PTTG1IP2: variants seen among roughly 807,000 people sequenced by gnomAD.
PTTG1IP2 encodes PTTG1IP family member 2.
At chr7:90,512,878 G>A (rs1798206285) in intron 6 of PTTG1IP2, among the ~76,000 whole-genome samples, 2 of 152,212 alleles carry the variant, frequency 1.3e-5, no homozygotes, top group South Asian at 4.1e-4. Flanking sequence ...AACTGATGTG[G>A]TGACCTTTTG....
At chr7:90,486,365 G>A (rs1364929017) in intron 2 of PTTG1IP2, among the ~76,000 whole-genome samples, 1 of 118,156 alleles carries the variant, frequency 8.5e-6, no homozygotes, top group South Asian at 2.8e-4. Context: ...GTTGTCATGA[G>A]TATGAAGTGA....
intron 6 of PTTG1IP2, among the ~76,000 whole-genome samples, chr7:90,507,552 C>A (rs1159466848): frequency 1.3e-5 from 2 of 152,060 alleles, no homozygotes; most frequent in African/African-American, 2.4e-5. Flanking sequence ...AATGGTGATT[C>A]TTGGGCTCTC....
chr7:90,507,119 A>G (rs1339663190), intron 6 of PTTG1IP2, among the ~76,000 whole-genome samples: 1 of 152,188 alleles, frequency 6.6e-6, no homozygotes, highest in African/African-American at 2.4e-5. Flanking sequence ...GTTTTTTGCG[A>G]AGTTAGTTAT....
chr7:90,508,263 C>CAAAA (rs5885728), intron 6 of PTTG1IP2, among the ~76,000 whole-genome samples: 3 of 76,924 alleles, frequency 3.9e-5, no homozygotes, highest in Admixed American at 1.4e-4. Context: ...GAACTCGTCT[C>CAAAA]AAAAAAAAAA....
intron 6 of PTTG1IP2, among the ~76,000 whole-genome samples, chr7:90,495,177 T>C (rs573935948): frequency 1.3e-5 from 2 of 152,332 alleles, no homozygotes; most frequent in East Asian, 3.9e-4. Context: ...TTTGTTAATA[T>C]TACCTAAAAA....
Position 90,469,859 on chromosome 7 carries a change from A to C in PTTG1IP2, c.73A>C (p.Ile25Leu), listed in dbSNP as rs1189172496. ...CTCCCTCTTTCTCATCCAATTGCTTATCAGCTTCTCAGAGAATGGTTTTAT... is the reference window on the plus strand; with the variant it reads ...CTCCCTCTTTCTCATCCAATTGCTTCTCAGCTTCTCAGAGAATGGTTTTAT... ...FLSLFLIQLL[I>L]SFSENGFIHS... Residue 25 changes from isoleucine (I) to leucine (L), a missense_variant, in exon 1 of 7, where the codon ATC becomes CTC. Physicochemically the swap from Ile to Leu is conservative, Grantham distance 5. Transcript: ENST00000509356. The C allele has an allele frequency of 6.5e-6, 1 of 152,830 alleles. No homozygotes were observed. The highest frequency in any genetic ancestry group is 1.5e-5 in the Non-Finnish European group (1 of 68,200). The allele number at this position is 152,830 out of a possible 1,614,324, so 9.5% of individuals were successfully genotyped here.
At chr7:90,503,688 T>C (rs17865853) in intron 6 of PTTG1IP2, among the ~76,000 whole-genome samples, 1 of 152,288 alleles carries the variant, frequency 6.6e-6, no homozygotes, top group East Asian at 1.9e-4. Context: ...ACATACAACA[T>C]GTATTGATTA....
Position 90,469,645 on chromosome 7 carries a change from GC to G in PTTG1IP2, c.-141del, listed in dbSNP as rs1362300611. On this transcript the variant is annotated 5_prime_UTR_variant, in exon 1 of 7. It removes the in-frame stop codon of an upstream open reading frame in the 5' UTR. Coordinates refer to ENST00000509356, the MANE Select transcript of PTTG1IP2 (RefSeq NM_001365443.2). ...GGGATTCTAAGGTTCTGCTGATTAT[GC>G]TGGCATCCAGGGCTTGCAAGTGGCA... is the stretch of plus-strand genomic sequence containing the variant. The G allele has an allele frequency of 1.3e-5, 2 of 152,620 alleles. No individual in the cohort carries two copies. The highest frequency in any genetic ancestry group is 4.8e-5 in the African/African-American group (2 of 41,446). 9.5% of individuals were successfully genotyped at this position (152,620 alleles called of 1,614,324 possible).
At chr7:90,512,919 AC>A (rs1798206627) in intron 6 of PTTG1IP2, among the ~76,000 whole-genome samples, 1 of 152,124 alleles carries the variant, frequency 6.6e-6, no homozygotes, top group Admixed American at 6.5e-5. Context: ...GCCAAGTTGA[AC>A]CCTTTCTGGG....
intron 2 of PTTG1IP2, among the ~76,000 whole-genome samples, chr7:90,486,467 C>CT (rs532687452): frequency 0.18 from 20,895 of 119,118 alleles, 2,158 homozygotes; most frequent in East Asian, 0.51. Context: ...CTTTGTCTTC[C>CT]TTTTTTTTTT....
chr7:90,506,011 AAAAAAAAAAG>A (rs1798120671), intron 6 of PTTG1IP2, among the ~76,000 whole-genome samples: 1 of 147,216 alleles, frequency 6.8e-6, no homozygotes, highest in Non-Finnish European at 1.5e-5. Flanking sequence ...AAAAAAAAAA[AAAAAAAAAAG>A]AAAATGCCTG....
intron 1 of PTTG1IP2, among the ~76,000 whole-genome samples, chr7:90,471,654 T>G (rs1797689015): frequency 6.6e-6 from 1 of 152,246 alleles, no homozygotes; most frequent in Non-Finnish European, 1.5e-5. Context: ...CTCCAAATGT[T>G]GCCACTCTCC....
chr7:90,482,877 T>TA (rs1350281128), intron 2 of PTTG1IP2, among the ~76,000 whole-genome samples: 1 of 152,178 alleles, frequency 6.6e-6, no homozygotes, highest in African/African-American at 2.4e-5. Flanking sequence ...GGCGTCAAGT[T>TA]ACAGCAAGCC....
At chr7:90,477,314 A>G (rs934361807) in intron 1 of PTTG1IP2, among the ~76,000 whole-genome samples, 35 of 152,216 alleles carry the variant, frequency 2.3e-4, no homozygotes, top group African/African-American at 7.2e-4. Context: ...CATGTAACAC[A>G]TAGGTCAGCT....
Position 90,496,681 on chromosome 7 carries a change from C to A in PTTG1IP2, c.*50+2251C>A, listed in dbSNP as rs17866876. ...TTTGTTGATTCTTTCTATTGTTTTT[C>A]TAGTGTCTATCTTATTTCTGCCCTG... On this transcript the variant is annotated intron_variant, in intron 6 of 6. Coordinates refer to ENST00000509356, the MANE Select transcript of PTTG1IP2 (RefSeq NM_001365443.2). Among the ~76,000 whole-genome samples the A allele has an allele frequency of 5.4e-3, 821 of 151,870 alleles. 8 individuals carry two copies. The highest frequency in any genetic ancestry group is 0.019 in the African/African-American group (787 of 41,452).
intron 5 of PTTG1IP2, among the ~76,000 whole-genome samples, chr7:90,492,612 G>C (rs1439231252): frequency 6.6e-6 from 1 of 152,150 alleles, no homozygotes; most frequent in Non-Finnish European, 1.5e-5. Flanking sequence ...CATAACAACA[G>C]ATTTCATTTT....
chr7:90,499,625 T>C (rs772502181), intron 6 of PTTG1IP2, among the ~76,000 whole-genome samples: 5 of 152,112 alleles, frequency 3.3e-5, no homozygotes, highest in Non-Finnish European at 7.4e-5. Context: ...GCTCTGTTGC[T>C]GAGGCTGGAG....
chr7:90,486,303 C>A (rs899707095), intron 2 of PTTG1IP2, among the ~76,000 whole-genome samples: 2 of 152,080 alleles, frequency 1.3e-5, no homozygotes, highest in Non-Finnish European at 2.9e-5. Context: ...AACTTCTCTG[C>A]ACCTTCTTGT....
intron 6 of PTTG1IP2, among the ~76,000 whole-genome samples, chr7:90,506,296 A>C (rs1798124641): frequency 6.6e-6 from 1 of 152,156 alleles, no homozygotes; most frequent in African/African-American, 2.4e-5. Flanking sequence ...AGCATTGGTA[A>C]AATTGAATAA....
Sources: allele counts gnomAD v4.1 joint callset (sites outside exome capture counted in the v4.1 genomes callset), GRCh38; gene constraint gnomAD v4.1.1; transcripts MANE v1.5; gene names NCBI Gene and HGNC (gene_info 2026-07-23, HGNC 2026-07-21).